Variants in GPRIN2 observed in about 807,000 individuals in gnomAD.
GPRIN2 encodes the protein G protein-regulated inducer of neurite outgrowth 2.
GPRIN2 carries 1 observed loss-of-function variant against 0.3 expected under a neutral mutation model. That is an observed-to-expected ratio of 3.90 (90% CI 1.39 to 18.51). GPRIN2 has a LOEUF of 18.51. Ranked by LOEUF, GPRIN2 falls within the 30% of genes most tolerant of loss-of-function variation. The probability of loss-of-function intolerance (pLI) is 0.11; values close to 1 mark genes in which losing one functional copy is unlikely to be tolerated. For missense variants in GPRIN2, 880 were observed against 604.2 expected (o/e 1.46, Z -4.79); for synonymous variants, 361 against 258.6 (o/e 1.40, Z -3.80).
At position 46,547,344 on chromosome 10, in the gene GPRIN2, T is replaced by C. The variant is rs926717454; in HGVS notation, c.*2016A>G. ...AAATGGATATTTCTAAACTGAAATC[T>C]GGTCCCACCTCAGAACCCCTTCCAC... On this transcript the variant is annotated 3_prime_UTR_variant, in exon 3 of 3. Transcript: ENST00000374314. 1.3e-5 allele frequency among the ~76,000 whole-genome samples: 2 copies of C among 152,306 alleles called. No individual in the cohort carries two copies. The highest frequency in any genetic ancestry group is 2.9e-5 in the Non-Finnish European group (2 of 68,054).
upstream of GPRIN2, among the ~76,000 whole-genome samples, chr10:46,556,708 G>A (rs1465966801): frequency 6.6e-6 from 1 of 152,104 alleles, no homozygotes; most frequent in Non-Finnish European, 1.5e-5. Flanking sequence ...GAGGGGCGGC[G>A]GGCGGAGACC....
chr10:46,545,850 C>A lies in GPRIN2; in HGVS notation c.*3510G>T, dbSNP rs1842108299. Among the ~76,000 whole-genome samples the A allele has an allele frequency of 6.6e-6, 1 of 152,308 alleles. No homozygotes were observed. The highest frequency in any genetic ancestry group is 1.5e-5 in the Non-Finnish European group (1 of 68,054). ...CATGTGAAGGAGGCACCATTGTCAT[C>A]CCCATCTTACAGATGAGGAAGATGA... On this transcript the variant is annotated 3_prime_UTR_variant, in exon 3 of 3. Transcript: ENST00000374314.
In GPRIN2 at chr10:46,546,804, C is replaced by G. The variant is rs1050604088; in HGVS notation, c.*2556G>C. On this transcript the variant is annotated 3_prime_UTR_variant, in exon 3 of 3. Transcript: ENST00000374314. ...GCAACTGGGCTAGGGAGACAAGGAT[C>G]GTGGTTTAGCCAGGAGAATCATCTG... Among the ~76,000 whole-genome samples the G allele has an allele frequency of 1.2e-4, 18 of 152,300 alleles. No individual in the cohort carries two copies. Among genetic ancestry groups the G allele is most frequent in the Non-Finnish European group, 1.0e-4 (7 of 68,054 alleles).
At chr10:46,554,910 A>G (rs1831960615) in intron 1 of GPRIN2, among the ~76,000 whole-genome samples, 127,987 of 152,104 alleles carry the variant, frequency 0.84, 51,937 homozygotes, top group East Asian at 0.95. Flanking sequence ...CATCTCAGAC[A>G]ACACTGTGGC....
At chr10:46,557,330 G>A (rs1377343900), upstream of GPRIN2, among the ~76,000 whole-genome samples, 2 of 152,292 alleles carry the variant, frequency 1.3e-5, no homozygotes, top group Admixed American at 6.5e-5. Context: ...CCATGATCCT[G>A]GCCTGGCCTG....
rs1832500888 is a variant in GPRIN2, at chr10:46,550,045, G to T, written c.692C>A (p.Pro231Gln). Residue 231 changes from proline (P) to glutamine (Q), a missense_variant, in exon 3 of 3, where the codon CCA becomes CAA. Physicochemically the swap from Pro to Gln is moderately conservative, Grantham distance 76 (BLOSUM62 -1). Coordinates refer to ENST00000374314, the MANE Select transcript of GPRIN2 (RefSeq NM_001385282.1). ...CCTCATGCCACAGAGTAGAGCAGCTGGGGGCAGAGCATGGCAGGTGGTGGT... is the reference window on the plus strand; with the variant it reads ...CCTCATGCCACAGAGTAGAGCAGCTTGGGGCAGAGCATGGCAGGTGGTGGT... ...LATTTCHALP[P>Q]AALLCGMREV... is the part of the protein sequence containing the mutation. 1.2e-6 allele frequency: 2 copies of T among 1,613,402 alleles called. No homozygotes were observed. Among genetic ancestry groups the T allele is most frequent in the African/African-American group, 2.7e-5 (2 of 74,954 alleles).
rs1841896038 is a variant in GPRIN2 at position 46,543,386 on chromosome 10, A to G, written c.*5974T>C. Among the ~76,000 whole-genome samples, 1 of 152,310 alleles carries G rather than the reference A, an allele frequency of 6.6e-6. No individual in the cohort carries two copies. Among genetic ancestry groups the G allele is most frequent in the South Asian group, 2.1e-4 (1 of 4,838 alleles). On this transcript the variant is annotated 3_prime_UTR_variant, in exon 3 of 3. Transcript: ENST00000374314. Reference sequence around the variant, plus strand: ...CTGAATAACCCAGAACAAAGAGAACATGAAACCACAAAAGAAGAACAGATT... The same window carrying G: ...CTGAATAACCCAGAACAAAGAGAACGTGAAACCACAAAAGAAGAACAGATT...
intron 1 of GPRIN2, among the ~76,000 whole-genome samples, chr10:46,555,890 C>G (rs1278426001): frequency 4.6e-5 from 7 of 152,306 alleles, no homozygotes; most frequent in South Asian, 2.1e-4. Flanking sequence ...CAGCTGCACT[C>G]TGCACGCCAA....
chr10:46,548,216 C>G lies in GPRIN2; in HGVS notation c.*1144G>C, dbSNP rs1842343273. 6.6e-6 allele frequency among the ~76,000 whole-genome samples: 1 copy of G among 152,184 alleles called. No individual in the cohort carries two copies. The highest frequency in any genetic ancestry group is 6.5e-5 in the Admixed American group (1 of 15,288). Reference sequence around the variant, plus strand: ...CCATTCTTCACAGGCCTCGAGAAATCTTTGGGCAATGAAGTCAGACTGTGC... The same window carrying G: ...CCATTCTTCACAGGCCTCGAGAAATGTTTGGGCAATGAAGTCAGACTGTGC... On this transcript the variant is annotated 3_prime_UTR_variant, in exon 3 of 3. Coordinates refer to ENST00000374314, the MANE Select transcript of GPRIN2 (RefSeq NM_001385282.1).
chr10:46,546,263 G>A lies in GPRIN2; in HGVS notation c.*3097C>T, dbSNP rs1235312948. Among the ~76,000 whole-genome samples the A allele has an allele frequency of 6.6e-6, 1 of 152,310 alleles. No individual in the cohort carries two copies. Among genetic ancestry groups the A allele is most frequent in the Non-Finnish European group, 1.5e-5 (1 of 68,058 alleles). On this transcript the variant is annotated 3_prime_UTR_variant, in exon 3 of 3. Coordinates refer to ENST00000374314, the MANE Select transcript of GPRIN2 (RefSeq NM_001385282.1). ...CAGGCCCAGAGGGGACAAGCTATAT[G>A]AAGAGAGGCTTCAGCTGTCGGGGGT...
In GPRIN2 at chr10:46,545,989, T is replaced by G. The variant is rs1842123682; in HGVS notation, c.*3371A>C. Among the ~76,000 whole-genome samples the G allele has an allele frequency of 6.6e-6, 1 of 152,308 alleles. No homozygotes were observed. Among genetic ancestry groups the G allele is most frequent in the Non-Finnish European group, 1.5e-5 (1 of 68,054 alleles). On this transcript the variant is annotated 3_prime_UTR_variant, in exon 3 of 3. Coordinates refer to ENST00000374314, the MANE Select transcript of GPRIN2 (RefSeq NM_001385282.1). ...TACGGTGGCCAACCCCAGCCCAAAGTGTTGGGACCTGCGTGTAGAAGACCC... is the reference window on the plus strand; with the variant it reads ...TACGGTGGCCAACCCCAGCCCAAAGGGTTGGGACCTGCGTGTAGAAGACCC...
chr10:46,550,083 A>G lies in GPRIN2; in HGVS notation c.654T>C (p.Ala218=), dbSNP rs1832489154. The part of the protein sequence containing the change: ...SSSAQAEPKA[A]EQLATTTCHA... ...GGCAGGTGGTGGTAGCCAGCTGTTC[A>G]GCAGCTTTGGGCTCAGCCTGGGCAC... is the stretch of plus-strand genomic sequence containing the variant. The change falls in exon 3 of 3, where the codon GCT becomes GCC. Residue 218 remains alanine (A), a synonymous_variant. Transcript: ENST00000374314. 2 of 1,613,534 alleles carry G rather than the reference A, an allele frequency of 1.2e-6. No homozygotes were observed. Among genetic ancestry groups the G allele is most frequent in the South Asian group, 2.2e-5 (2 of 91,058 alleles).
chr10:46,542,827 A>G lies in GPRIN2; in HGVS notation c.*6533T>C, dbSNP rs1833052751. Among the ~76,000 whole-genome samples the G allele has an allele frequency of 6.6e-6, 1 of 152,428 alleles. No homozygotes were observed. The highest frequency in any genetic ancestry group is 1.5e-5 in the Non-Finnish European group (1 of 68,050). ...CCCACAGGGGCTCAGGCCACACCCCAACCCAATTACAAGCCATGCAAGAAG... is the reference window on the plus strand; with the variant it reads ...CCCACAGGGGCTCAGGCCACACCCCGACCCAATTACAAGCCATGCAAGAAG... On this transcript the variant is annotated 3_prime_UTR_variant, in exon 3 of 3. Transcript: ENST00000374314.
rs1832971115 is a variant in GPRIN2, at chr10:46,544,838, C to T, written c.*4522G>A. Among the ~76,000 whole-genome samples the T allele has an allele frequency of 1.6e-4, 25 of 152,418 alleles. No individual in the cohort carries two copies. In the East Asian group the frequency reaches 4.6e-3, roughly 28 times the overall value. Reference sequence around the variant, plus strand: ...GAGATCTGGATCTTAACAGATCAGACTTAAACTAATTTGCCCATGATGACC... The same window carrying T: ...GAGATCTGGATCTTAACAGATCAGATTTAAACTAATTTGCCCATGATGACC... On this transcript the variant is annotated 3_prime_UTR_variant, in exon 3 of 3. Transcript: ENST00000374314.
In GPRIN2 at chr10:46,550,333, C is replaced by T. The variant is rs1832406414; in HGVS notation, c.404G>A (p.Gly135Asp). Reference sequence around the variant, plus strand: ...GCAGCTGAGACTGGCCTTCCGAGCACCACTGTGTCCCCGCATCTGGGTGCT... The same window carrying T: ...GCAGCTGAGACTGGCCTTCCGAGCATCACTGTGTCCCCGCATCTGGGTGCT... Reference protein sequence around the residue: ...VRSTQMRGHSGARKASLSCSA... With the variant: ...VRSTQMRGHSDARKASLSCSA... The change falls in exon 3 of 3, where the codon GGT becomes GAT. Residue 135 changes from glycine to aspartate, a missense_variant. Gly to Asp is a moderately conservative substitution (Grantham distance 94). Coordinates refer to ENST00000374314, the MANE Select transcript of GPRIN2 (RefSeq NM_001385282.1). 6.2e-7 allele frequency: 1 copy of T among 1,613,130 alleles called. No homozygotes were observed.
rs1832496619 is a variant in GPRIN2, at chr10:46,550,061, A to G, written c.676T>C (p.Cys226Arg). The G allele has an allele frequency of 6.2e-7, 1 of 1,613,824 alleles. No homozygotes were observed. Among genetic ancestry groups the G allele is most frequent in the Non-Finnish European group, 8.5e-7 (1 of 1,179,990 alleles). The stretch of plus-strand genomic sequence containing the variant: ...AGAGCAGCTGGGGGCAGAGCATGGC[A>G]GGTGGTGGTAGCCAGCTGTTCAGCA... ...KAAEQLATTT[C>R]HALPPAALLC... Residue 226 changes from cysteine to arginine, a missense_variant, in exon 3 of 3, where the codon TGC becomes CGC. Transcript: ENST00000374314.
At position 46,543,198 on chromosome 10, in the gene GPRIN2, G is replaced by T. The variant is rs1377239645; in HGVS notation, c.*6162C>A. The stretch of plus-strand genomic sequence containing the variant: ...GACCCATGTAAATCACAAATGCCAA[G>T]ACCCAGACACAGCCACAGCTGGGGG... On this transcript the variant is annotated 3_prime_UTR_variant, in exon 3 of 3. Transcript: ENST00000374314. Among the ~76,000 whole-genome samples, 1 of 152,306 alleles carries T rather than the reference G, an allele frequency of 6.6e-6. No homozygotes were observed. Among genetic ancestry groups the T allele is most frequent in the Admixed American group, 6.5e-5 (1 of 15,294 alleles).
intron 2 of GPRIN2, 49 bp downstream of exon 2, chr10:46,554,536 A>C (rs1842961736): frequency 6.5e-6 from 1 of 152,738 alleles, no homozygotes; most frequent in Non-Finnish European, 1.5e-5. Context: ...CAAGATAAAG[A>C]ACAGGCATAC....
chr10:46,557,136 TTCTCTGGCTCCAGA>T (rs1274799848), upstream of GPRIN2, among the ~76,000 whole-genome samples: 1 of 151,614 alleles, frequency 6.6e-6, no homozygotes, highest in Non-Finnish European at 1.5e-5. Flanking sequence ...CCTCTCACAA[TTCTCTGGCTCCAGA>T]TCCCGCCCAC....
Sources: gnomAD v4.1 joint callset for allele counts (sites outside exome capture counted in the v4.1 genomes callset) on GRCh38, gnomAD v4.1.1 for gene constraint, MANE v1.5 for transcripts, NCBI Gene and HGNC (gene_info 2026-07-23, HGNC 2026-07-21) for gene names.